The following MAP3K20 variants were observed in gnomAD, a reference collection of about 807,000 sequenced individuals.
MAP3K20 encodes the protein mitogen-activated protein kinase kinase kinase 20.
In MAP3K20, 40 loss-of-function variants were observed where a neutral mutation model predicts 85.7. The ratio of observed to expected loss-of-function variants is 0.47; its 90% CI spans 0.36 to 0.61. The LOEUF (loss-of-function observed/expected upper bound fraction) is 0.61, where lower values mean the gene tolerates loss of function less well. MAP3K20 is among the 20% of genes least tolerant of loss of function. The pLI, the probability that MAP3K20 is intolerant of heterozygous loss-of-function variation, is 0.00. For missense variants in MAP3K20, 817 were observed against 961.7 expected (o/e 0.85, Z 1.99); for synonymous variants, 325 against 327.7 (o/e 0.99, Z 0.09).
At chr2:173,110,975 T>A (rs1687958824) in intron 2 of MAP3K20, among the ~76,000 whole-genome samples, 5 of 152,220 alleles carry the variant, frequency 3.3e-5, no homozygotes, top group Admixed American at 1.3e-4. Flanking sequence ...CAAATGGTAG[T>A]TCTACTTTTA....
rs113709837 is a variant in MAP3K20 at position 173,076,916 on chromosome 2, T to C, written c.-35+914T>C. Among the ~76,000 whole-genome samples, 1,022 of 152,378 alleles carry C rather than the reference T, an allele frequency of 6.7e-3. 6 individuals carry two copies. Among genetic ancestry groups the C allele is most frequent in the Non-Finnish European group, 8.2e-3 (555 of 68,032 alleles). ...TCAGGACTGGCTAGATGACATCCGA[T>C]TGCCTAAAAAATTTTTTTAAAAAGT... is the stretch of plus-strand genomic sequence containing the variant. On this transcript the variant is annotated intron_variant, in intron 1 of 19. Transcript: ENST00000375213.
At chr2:173,099,960 G>T (rs1230106566) in intron 2 of MAP3K20, among the ~76,000 whole-genome samples, 1 of 152,192 alleles carries the variant, frequency 6.6e-6, no homozygotes, top group Non-Finnish European at 1.5e-5. Flanking sequence ...AACTGTTAAC[G>T]ATCACTCGCA....
chr2:173,220,374 TGAAA>T, intron 11 of MAP3K20, among the ~76,000 whole-genome samples: 1 of 152,210 alleles, frequency 6.6e-6, no homozygotes. Flanking sequence ...AAAGTTCGGT[TGAAA>T]GAAGAAAACT....
Position 173,265,986 on chromosome 2 carries a change from C to T in MAP3K20, c.1703-64C>T, listed in dbSNP as rs7593499. 4,314 of 1,467,394 alleles carry T rather than the reference C, an allele frequency of 2.9e-3. 108 individuals are homozygous for T. The African/African-American group carries it at 0.05, about 17-fold the overall frequency. The allele number at this position is 1,467,394 out of a possible 1,614,324, so 90.9% of individuals were successfully genotyped here. A position where few individuals can be genotyped will look rare whatever the true frequency, so the allele number is the denominator to read the frequency against. Reference sequence around the variant, plus strand: ...CAGCCCTGAATTATCCTAAGACAGGCGTATGAATTAGACATGCAGCTTTAG... The same window carrying T: ...CAGCCCTGAATTATCCTAAGACAGGTGTATGAATTAGACATGCAGCTTTAG... On this transcript the variant is annotated intron_variant, in intron 19 of 19. Coordinates refer to ENST00000375213, the MANE Select transcript of MAP3K20 (RefSeq NM_016653.3).
chr2:173,208,286 C>G (rs1386453541), intron 9 of MAP3K20, among the ~76,000 whole-genome samples: 1 of 151,826 alleles, frequency 6.6e-6, no homozygotes, highest in Non-Finnish European at 1.5e-5. Context: ...TTAGTCCCCG[C>G]TACTTGGGAG....
intron 4 of MAP3K20, among the ~76,000 whole-genome samples, chr2:173,187,198 T>G (rs1230266142): frequency 6.6e-6 from 1 of 152,182 alleles, no homozygotes; most frequent in Non-Finnish European, 1.5e-5. Flanking sequence ...TACTCAGAAC[T>G]TTGGCAGATT....
At chr2:173,228,890 A>C (rs551310696) in intron 11 of MAP3K20, among the ~76,000 whole-genome samples, 1 of 152,262 alleles carries the variant, frequency 6.6e-6, no homozygotes, top group Non-Finnish European at 1.5e-5. Context: ...TTATCTCATA[A>C]GCAATTCATT....
intron 2 of MAP3K20, among the ~76,000 whole-genome samples, chr2:173,101,025 G>A (rs1687623433): frequency 1.3e-5 from 2 of 152,132 alleles, no homozygotes; most frequent in African/African-American, 2.4e-5. Context: ...GCAAATAAAT[G>A]TATTAAAATG....
At chr2:173,232,277 G>A (rs1175777071) in intron 13 of MAP3K20, 43 bp from the exon 14 acceptor site, 3 of 1,613,912 alleles carry the variant, frequency 1.9e-6, no homozygotes, top group South Asian at 2.2e-5. Flanking sequence ...TTTTGGATGT[G>A]ATTTCATCTA....
intron 4 of MAP3K20, among the ~76,000 whole-genome samples, chr2:173,185,828 A>G (rs1690468559): frequency 6.6e-6 from 1 of 152,232 alleles, no homozygotes; most frequent in Non-Finnish European, 1.5e-5. Context: ...TAAAGCAGAT[A>G]AACTCCAATC....
intron 2 of MAP3K20, among the ~76,000 whole-genome samples, chr2:173,095,949 A>G (rs1017572724): frequency 5.3e-5 from 8 of 152,192 alleles, no homozygotes; most frequent in African/African-American, 1.4e-4. Flanking sequence ...TCCCCGCAAC[A>G]TTTTATTGTG....
chr2:173,107,409 T>C (rs965103137), intron 2 of MAP3K20, among the ~76,000 whole-genome samples: 4 of 152,026 alleles, frequency 2.6e-5, no homozygotes, highest in African/African-American at 9.7e-5. Context: ...CCAGCTAGAA[T>C]ACATGCGGTC....
At chr2:173,177,666 G>A (rs1690202006) in intron 3 of MAP3K20, among the ~76,000 whole-genome samples, 1 of 152,108 alleles carries the variant, frequency 6.6e-6, no homozygotes, top group South Asian at 2.1e-4. Context: ...CTGACCTCAG[G>A]TGATCCACCT....
chr2:173,095,572 T>C (rs998728908), intron 2 of MAP3K20, among the ~76,000 whole-genome samples: 2 of 152,226 alleles, frequency 1.3e-5, no homozygotes, highest in South Asian at 4.1e-4. Flanking sequence ...GAGAAGAGTT[T>C]AGCAAAATGT....
At chr2:173,193,741 A>G (rs745659089) in intron 7 of MAP3K20, among the ~76,000 whole-genome samples, 10 of 152,168 alleles carry the variant, frequency 6.6e-5, no homozygotes, top group African/African-American at 9.7e-5. Context: ...TTTTTTATTA[A>G]AAATCTTTTC....
rs765058614 is a variant in MAP3K20 at position 173,266,233 on chromosome 2, C to T, written c.1886C>T (p.Pro629Leu). ...QVPIKYQQIT[P>L]VNQSRSSSPT... is the part of the protein sequence containing the mutation. ...CCCATTAAGTATCAACAGATTACACCTGTGAACCAGTCCAGAAGCTCGTCT... is the reference window on the plus strand; with the variant it reads ...CCCATTAAGTATCAACAGATTACACTTGTGAACCAGTCCAGAAGCTCGTCT... Residue 629 changes from proline to leucine, a missense_variant, in exon 20 of 20, where the codon CCT (proline) becomes CTT (leucine). By Grantham distance (98) the Pro-to-Leu change is moderately conservative. Coordinates refer to ENST00000375213, the MANE Select transcript of MAP3K20 (RefSeq NM_016653.3). 12 of 1,614,010 alleles carry T rather than the reference C, an allele frequency of 7.4e-6. No homozygotes were observed. Among genetic ancestry groups the T allele is most frequent in the Non-Finnish European group, 2.5e-6 (3 of 1,180,024 alleles).
intron 11 of MAP3K20, among the ~76,000 whole-genome samples, chr2:173,228,617 G>A (rs1172513603): frequency 6.6e-6 from 1 of 152,100 alleles, no homozygotes; most frequent in Non-Finnish European, 1.5e-5. Context: ...AGTAAACCGA[G>A]ATTCAGGTGA....
At chr2:173,127,134 G>T (rs1434313369) in intron 2 of MAP3K20, among the ~76,000 whole-genome samples, 1 of 152,108 alleles carries the variant, frequency 6.6e-6, no homozygotes, top group African/African-American at 2.4e-5. Flanking sequence ...TCCATTGAAG[G>T]AGACCACCCA....
At chr2:173,075,681 G>C (rs1243471981), upstream of MAP3K20, 1 of 970,806 alleles carries the variant, frequency 1.0e-6, no homozygotes, top group East Asian at 1.2e-4. Flanking sequence ...GTGTGTCTGG[G>C]GGCCTCGGCG....
Sources: allele counts gnomAD v4.1 joint callset (sites outside exome capture counted in the v4.1 genomes callset), GRCh38; gene constraint gnomAD v4.1.1; transcripts MANE v1.5; gene names NCBI Gene and HGNC (gene_info 2026-07-23, HGNC 2026-07-21).